Variants in FAM135B observed in about 807,000 individuals in gnomAD.
FAM135B encodes family with sequence similarity 135 member B, also known as protein FAM135B.
A neutral mutation model predicts 127.7 loss-of-function variants in FAM135B; 43 were observed. The ratio of observed to expected loss-of-function variants is 0.34; its 90% confidence interval spans 0.26 to 0.43. The LOEUF (loss-of-function observed/expected upper bound fraction) is 0.43. Ranked by LOEUF, FAM135B falls within the 20% of genes least tolerant of loss-of-function variation. The pLI, the probability that FAM135B is intolerant of heterozygous loss-of-function variation, is 1.00. For missense variants in FAM135B, 1,558 were observed against 1,725.6 expected, an observed-to-expected ratio of 0.90 and a Z score of 1.72; for synonymous variants, 670 against 665.1, an observed-to-expected ratio of 1.01 and a Z score of -0.11.
intron 2 of FAM135B, among the ~76,000 whole-genome samples, chr8:138,335,620 A>G (rs1415684251): frequency 1.3e-5 from 2 of 152,136 alleles, no homozygotes; most frequent in Non-Finnish European, 1.5e-5. Context: ...GTACTTAGAG[A>G]CTACAAAGAG....
At chr8:138,266,120 T>A (rs1483226920) in intron 3 of FAM135B, among the ~76,000 whole-genome samples, 1 of 152,164 alleles carries the variant, frequency 6.6e-6, no homozygotes, top group East Asian at 1.9e-4. Flanking sequence ...TGCTATGCAG[T>A]GCCTGCTCAA....
intron 7 of FAM135B, among the ~76,000 whole-genome samples, chr8:138,233,532 C>T (rs1820052586): frequency 6.6e-6 from 1 of 152,106 alleles, no homozygotes; most frequent in East Asian, 1.9e-4. Flanking sequence ...GGATTAAACA[C>T]TTAAACGTCA....
chr8:138,473,023 T>A (rs1377427518), intron 1 of FAM135B, among the ~76,000 whole-genome samples: 3 of 152,200 alleles, frequency 2.0e-5, no homozygotes, highest in African/African-American at 7.2e-5. Context: ...GTCATTAATA[T>A]GAATTATTAC....
intron 2 of FAM135B, among the ~76,000 whole-genome samples, chr8:138,338,672 C>G (rs1049637477): frequency 2.9e-4 from 44 of 151,874 alleles, no homozygotes; most frequent in African/African-American, 1.0e-3. Context: ...GGACTGTAAA[C>G]TAGTTCAACC....
At chr8:138,338,439 A>G (rs1325610698) in intron 2 of FAM135B, among the ~76,000 whole-genome samples, 2 of 152,128 alleles carry the variant, frequency 1.3e-5, no homozygotes, top group Admixed American at 6.5e-5. Flanking sequence ...CCCATCAAAA[A>G]GTGGGCAAAG....
intron 1 of FAM135B, among the ~76,000 whole-genome samples, chr8:138,393,799 A>T (rs952414799): frequency 2.0e-5 from 3 of 152,082 alleles, no homozygotes; most frequent in Non-Finnish European, 4.4e-5. Context: ...GTGCCACATA[A>T]AGCCTGTTGA....
At chr8:138,322,586 C>T (rs1333271134) in intron 2 of FAM135B, among the ~76,000 whole-genome samples, 2 of 152,148 alleles carry the variant, frequency 1.3e-5, no homozygotes, top group African/African-American at 2.4e-5. Flanking sequence ...AAAGCTAATG[C>T]CCCATAATCT....
At chr8:138,469,048 GAGAAAGAGAGACAGAA>G in intron 1 of FAM135B, among the ~76,000 whole-genome samples, 1 of 117,722 alleles carries the variant, frequency 8.5e-6, no homozygotes, top group East Asian at 4.6e-4. Context: ...TGTCAAGAAA[GAGAAAGAGAGACAGAA>G]AGAGAGAGAA....
intron 1 of FAM135B, chr8:138,459,076 A>G (rs992408556): frequency 2.0e-5 from 3 of 152,346 alleles, no homozygotes; most frequent in African/African-American, 7.2e-5. Flanking sequence ...CCCACAGCCA[A>G]AGGAACTGGG....
At chr8:138,135,489 GA>G (rs1563667558) in intron 19 of FAM135B, among the ~76,000 whole-genome samples, 1 of 152,124 alleles carries the variant, frequency 6.6e-6, no homozygotes, top group East Asian at 1.9e-4. Flanking sequence ...AATTCAGGCT[GA>G]AAAATTATAA....
At chr8:138,236,278 A>G (rs1820266945) in intron 7 of FAM135B, among the ~76,000 whole-genome samples, 2 of 152,142 alleles carry the variant, frequency 1.3e-5, no homozygotes, top group South Asian at 4.1e-4. Flanking sequence ...CATATTTGAA[A>G]TCAGGATTTC....
intron 1 of FAM135B, among the ~76,000 whole-genome samples, chr8:138,395,054 A>G (rs768365329): frequency 1.6e-4 from 24 of 152,280 alleles, no homozygotes; most frequent in Admixed American, 1.6e-3. Flanking sequence ...TGTTTAACCC[A>G]GCCCCTGCTG....
At chr8:138,495,503 G>T (rs989363262) in intron 1 of FAM135B, among the ~76,000 whole-genome samples, 4 of 152,108 alleles carry the variant, frequency 2.6e-5, no homozygotes, top group Non-Finnish European at 5.9e-5. Context: ...CCCAATTAAA[G>T]AACATAGCCT....
At chr8:138,285,572 C>T (rs1258397340) in intron 3 of FAM135B, among the ~76,000 whole-genome samples, 1 of 152,132 alleles carries the variant, frequency 6.6e-6, no homozygotes, top group Non-Finnish European at 1.5e-5. Flanking sequence ...GCACAGTGCC[C>T]AGTGCATTCA....
intron 1 of FAM135B, among the ~76,000 whole-genome samples, chr8:138,370,262 G>A (rs1465460609): frequency 1.3e-5 from 2 of 152,002 alleles, no homozygotes; most frequent in Non-Finnish European, 2.9e-5. Context: ...TTTTCTCCTT[G>A]AAAGATGCAC....
Position 138,242,706 on chromosome 8 carries a change from A to G in FAM135B, c.669+236T>C, listed in dbSNP as rs938596528. On this transcript the variant is annotated intron_variant, in intron 7 of 19. Transcript: ENST00000395297. This position sits in a 1 kb window ranked among gnomAD's most constrained non-coding sequence, Gnocchi z 9.6. ...CATATTCTTCCAAGAGACCACATATAACAAGTATCATATGAAGACCATATT... is the reference window on the plus strand; with the variant it reads ...CATATTCTTCCAAGAGACCACATATGACAAGTATCATATGAAGACCATATT... 6.6e-6 allele frequency among the ~76,000 whole-genome samples: 1 copy of G among 152,166 alleles called. No individual in the cohort carries two copies. Among genetic ancestry groups the G allele is most frequent in the Non-Finnish European group, 1.5e-5 (1 of 68,036 alleles).
At chr8:138,447,673 T>G (rs1836261862) in intron 1 of FAM135B, among the ~76,000 whole-genome samples, 2 of 150,242 alleles carry the variant, frequency 1.3e-5, no homozygotes, top group African/African-American at 2.4e-5. Context: ...GATTGGGGGA[T>G]GGGAGGGATA....
chr8:138,213,591 A>C (rs1175013527), intron 7 of FAM135B, among the ~76,000 whole-genome samples: 1 of 151,950 alleles, frequency 6.6e-6, no homozygotes, highest in Non-Finnish European at 1.5e-5. Context: ...TTGGAGATAG[A>C]ATTTTAGCTT....
intron 3 of FAM135B, among the ~76,000 whole-genome samples, chr8:138,267,815 G>A (rs1460457854): frequency 6.6e-6 from 1 of 152,194 alleles, no homozygotes; most frequent in Non-Finnish European, 1.5e-5. Context: ...TTGTCATGAA[G>A]GCAATAAAAT....
Sources: gnomAD v4.1 joint callset for allele counts (sites outside exome capture counted in the v4.1 genomes callset) on GRCh38, gnomAD v4.1.1 for gene constraint, Gnocchi (gnomAD v3.1) non-coding constraint, MANE v1.5 for transcripts, NCBI Gene and HGNC (gene_info 2026-07-23, HGNC 2026-07-21) for gene names.